The following ST6GALNAC3 variants were observed in gnomAD, a reference collection of about 807,000 sequenced individuals.
ST6GALNAC3 encodes alpha-N-acetylgalactosaminide alpha-2,6-sialyltransferase 3.
A neutral mutation model predicts 32.7 loss-of-function variants in ST6GALNAC3; 25 were observed. That is an observed-to-expected ratio of 0.76 (90% CI 0.56 to 1.07). ST6GALNAC3 has a LOEUF of 1.07. Among genes scored for constraint, ST6GALNAC3 ranks in the 50% least tolerant of loss-of-function variants. The probability of loss-of-function intolerance (pLI) is 0.00; values close to 1 mark genes in which losing one functional copy is unlikely to be tolerated. For synonymous variants in ST6GALNAC3, 129 were observed against 133.1 expected, an observed-to-expected ratio of 0.97 and a Z score of 0.21; for missense variants, 355 against 382.4, an observed-to-expected ratio of 0.93 and a Z score of 0.60.
chr1:76,501,834 TTTC>T (rs1661193979), intron 3 of ST6GALNAC3, among the ~76,000 whole-genome samples: 1 of 152,220 alleles, frequency 6.6e-6, no homozygotes, highest in South Asian at 2.1e-4. Context: ...TAAAAGTTTA[TTTC>T]TTCTTAAGAC....
At chr1:76,563,948 T>A (rs757643028) in intron 3 of ST6GALNAC3, among the ~76,000 whole-genome samples, 2 of 152,248 alleles carry the variant, frequency 1.3e-5, no homozygotes, top group Non-Finnish European at 2.9e-5. Flanking sequence ...ACAAGAAGGA[T>A]CCATTAAGCA....
intron 2 of ST6GALNAC3, among the ~76,000 whole-genome samples, chr1:76,395,963 G>C (rs1417908125): frequency 6.6e-6 from 1 of 152,088 alleles, no homozygotes; most frequent in Non-Finnish European, 1.5e-5. Flanking sequence ...CTAGAAGCGA[G>C]GACATGAAAT....
At chr1:76,554,265 A>T (rs982829449) in intron 3 of ST6GALNAC3, among the ~76,000 whole-genome samples, 1 of 152,190 alleles carries the variant, frequency 6.6e-6, no homozygotes, top group African/African-American at 2.4e-5. Context: ...AACTGTCTCC[A>T]TATTTGACAG....
At chr1:76,118,673 A>T (rs1648649362) in intron 1 of ST6GALNAC3, among the ~76,000 whole-genome samples, 1 of 152,172 alleles carries the variant, frequency 6.6e-6, no homozygotes, top group African/African-American at 2.4e-5. Context: ...ACAGTTAGAG[A>T]CTTTTACAAA....
intron 1 of ST6GALNAC3, among the ~76,000 whole-genome samples, chr1:76,121,929 C>T (rs7515337): frequency 0.049 from 7,396 of 152,238 alleles, 621 homozygotes; most frequent in African/African-American, 0.17. Flanking sequence ...TTAACCATAC[C>T]TGGAACATGC....
At chr1:76,320,961 TATAC>T (rs1443380707) in intron 2 of ST6GALNAC3, among the ~76,000 whole-genome samples, 2,184 of 149,602 alleles carry the variant, frequency 0.015, 45 homozygotes, top group African/African-American at 0.046. Context: ...ATGGTATATA[TATAC>T]ACACACACAC....
chr1:76,461,769 C>T (rs1023559425), intron 3 of ST6GALNAC3, among the ~76,000 whole-genome samples: 1 of 152,164 alleles, frequency 6.6e-6, no homozygotes, highest in African/African-American at 2.4e-5. Flanking sequence ...GCTAGGCTCC[C>T]TAGGTACATT....
intron 1 of ST6GALNAC3, among the ~76,000 whole-genome samples, chr1:76,280,454 G>A (rs759759199): frequency 5.3e-5 from 8 of 151,924 alleles, no homozygotes; most frequent in Non-Finnish European, 1.2e-4. Context: ...ATCATTTTTG[G>A]TAAATGAATA....
chr1:76,606,581 G>A (rs1266199286), intron 3 of ST6GALNAC3, among the ~76,000 whole-genome samples: 1 of 152,054 alleles, frequency 6.6e-6, no homozygotes, highest in African/African-American at 2.4e-5. Flanking sequence ...AGGGGGAGGA[G>A]GGAGAGCATC....
At chr1:76,201,514 G>A (rs571298262) in intron 1 of ST6GALNAC3, among the ~76,000 whole-genome samples, 2 of 152,218 alleles carry the variant, frequency 1.3e-5, no homozygotes, top group African/African-American at 4.8e-5. Flanking sequence ...ACCATATCAC[G>A]TTGGAAACTG....
intron 2 of ST6GALNAC3, among the ~76,000 whole-genome samples, chr1:76,405,130 G>T (rs1261806959): frequency 6.6e-6 from 1 of 152,042 alleles, no homozygotes; most frequent in Non-Finnish European, 1.5e-5. Flanking sequence ...AGCAGGTTTG[G>T]TTAAATTTTA....
chr1:76,636,466 AAT>A (rs1649507547), downstream of ST6GALNAC3, among the ~76,000 whole-genome samples: 4 of 152,156 alleles, frequency 2.6e-5, no homozygotes, highest in Admixed American at 1.3e-4. Flanking sequence ...CTATTTCTTG[AAT>A]CTTAAATTTA....
At chr1:76,345,130 G>T (rs1648391642) in intron 2 of ST6GALNAC3, among the ~76,000 whole-genome samples, 1 of 152,128 alleles carries the variant, frequency 6.6e-6, no homozygotes, top group South Asian at 2.1e-4. Flanking sequence ...TACCATGTGT[G>T]GGTGCAGCAA....
intron 1 of ST6GALNAC3, among the ~76,000 whole-genome samples, chr1:76,251,365 C>T (rs189481085): frequency 1.3e-5 from 2 of 152,096 alleles, no homozygotes; most frequent in African/African-American, 4.8e-5. Flanking sequence ...CTTTATCCTG[C>T]CAGTTCTTTT....
At chr1:76,482,584 C>T (rs745677988) in intron 3 of ST6GALNAC3, among the ~76,000 whole-genome samples, 3 of 152,082 alleles carry the variant, frequency 2.0e-5, no homozygotes, top group Non-Finnish European at 4.4e-5. Context: ...AATAAAAGCC[C>T]TCCAATGAGG....
intron 3 of ST6GALNAC3, among the ~76,000 whole-genome samples, chr1:76,456,558 C>A (rs2101577050): frequency 6.6e-6 from 1 of 151,994 alleles, no homozygotes; most frequent in Non-Finnish European, 1.5e-5. Flanking sequence ...TCAGGCAAAT[C>A]AATAAATGTA....
chr1:76,443,452 G>A lies in ST6GALNAC3; in HGVS notation c.623+31035G>A, dbSNP rs568763365. Among the ~76,000 whole-genome samples, 4 of 152,298 alleles carry A rather than the reference G, an allele frequency of 2.6e-5. No homozygotes were observed. In the South Asian group the frequency reaches 8.3e-4, roughly 32 times the overall value. On this transcript the variant is annotated intron_variant, in intron 3 of 4. Transcript: ENST00000328299. ...TGATCCTACTCGGCCTTAAGAGTGA[G>A]GACGCTATCGGTTCATTCAGCCCAG...
intron 2 of ST6GALNAC3, among the ~76,000 whole-genome samples, chr1:76,361,992 A>AAAAG (rs1553184720): frequency 3.3e-5 from 5 of 150,334 alleles, no homozygotes; most frequent in African/African-American, 1.2e-4. Context: ...AAAAAAAAAA[A>AAAAG]AGAGAGAAAG....
At chr1:76,249,518 T>G (rs1570576666) in intron 1 of ST6GALNAC3, among the ~76,000 whole-genome samples, 1 of 152,158 alleles carries the variant, frequency 6.6e-6, no homozygotes, top group South Asian at 2.1e-4. Context: ...TACCATATCT[T>G]TTTTTTCTAC....
Sources: gnomAD v4.1 joint callset for allele counts (sites outside exome capture counted in the v4.1 genomes callset) on GRCh38, gnomAD v4.1.1 for gene constraint, MANE v1.5 for transcripts, NCBI Gene and HGNC (gene_info 2026-07-23, HGNC 2026-07-21) for gene names.